The following NUBPL variants were observed in gnomAD, a reference collection of about 807,000 sequenced individuals.
NUBPL encodes iron-sulfur cluster transfer protein NUBPL.
In NUBPL, 31 loss-of-function variants were observed where a neutral mutation model predicts 45.7. The ratio of observed to expected loss-of-function variants is 0.68; its 90% CI spans 0.51 to 0.92. NUBPL has a LOEUF of 0.92. Ranked by LOEUF, NUBPL falls within the 40% of genes least tolerant of loss-of-function variation. The pLI is 0.00. For synonymous variants in NUBPL, 144 were observed against 140.9 expected (o/e 1.02, Z -0.15); for missense variants, 401 against 398.7 (o/e 1.01, Z -0.05).
At chr14:31,715,337 C>G (rs1413364438) in intron 6 of NUBPL, among the ~76,000 whole-genome samples, 1 of 152,104 alleles carries the variant, frequency 6.6e-6, no homozygotes, top group East Asian at 1.9e-4. Context: ...ACTAAATAAG[C>G]TAAGGTCATG....
intron 4 of NUBPL, among the ~76,000 whole-genome samples, chr14:31,672,544 C>T (rs994915991): frequency 4.6e-5 from 7 of 152,058 alleles, no homozygotes; most frequent in Non-Finnish European, 8.8e-5. Context: ...CTCACTGCAA[C>T]GTCTGCCTCC....
Position 31,697,800 on chromosome 14 carries a change from C to G in NUBPL, c.513+24226C>G, listed in dbSNP as rs570254885. ...GTCTTCTGCAGTGATAATTAAGAAG[C>G]CTTAATAAAGGTCACATGAGATGAC... On this transcript the variant is annotated intron_variant, in intron 6 of 10. Transcript: ENST00000281081. Among the ~76,000 whole-genome samples, 6 of 152,196 alleles carry G rather than the reference C, an allele frequency of 3.9e-5. No individual in the cohort carries two copies. In the South Asian group the frequency reaches 1.2e-3, roughly 32 times the overall value.
At chr14:31,812,372 C>G (rs1471293916) in intron 7 of NUBPL, among the ~76,000 whole-genome samples, 1 of 152,194 alleles carries the variant, frequency 6.6e-6, no homozygotes, top group Non-Finnish European at 1.5e-5. Flanking sequence ...CCCAGCCAGG[C>G]TTGCCTCCTT....
At chr14:31,844,562 T>G (rs950124145) in intron 8 of NUBPL, 3 of 152,200 alleles carry the variant, frequency 2.0e-5, no homozygotes, top group African/African-American at 7.2e-5. Flanking sequence ...TGCTATAGAT[T>G]TATGTCTTTT....
chr14:31,576,301 G>A (rs542902671), intron 3 of NUBPL, among the ~76,000 whole-genome samples: 1 of 152,208 alleles, frequency 6.6e-6, no homozygotes, highest in Admixed American at 6.5e-5. Context: ...TTGCTCTGTT[G>A]GCCAGGCTGG....
chr14:31,757,301 G>A (rs1023175142), intron 6 of NUBPL, among the ~76,000 whole-genome samples: 3 of 150,222 alleles, frequency 2.0e-5, no homozygotes, highest in Non-Finnish European at 4.4e-5. Flanking sequence ...TGTACCTCTG[G>A]TAGAATTCGG....
chr14:31,619,059 A>G (rs1260015933), intron 4 of NUBPL, among the ~76,000 whole-genome samples: 2 of 151,876 alleles, frequency 1.3e-5, no homozygotes, highest in African/African-American at 2.4e-5. Flanking sequence ...GTTTCTTTTG[A>G]TCTTTGTTGG....
chr14:31,778,650 C>G (rs747064455), intron 6 of NUBPL, among the ~76,000 whole-genome samples: 2 of 152,200 alleles, frequency 1.3e-5, no homozygotes, highest in Non-Finnish European at 2.9e-5. Context: ...ACTGCCATTG[C>G]TGTGACCTAT....
chr14:31,704,401 C>T (rs188825238), intron 6 of NUBPL, among the ~76,000 whole-genome samples: 17 of 152,182 alleles, frequency 1.1e-4, no homozygotes, highest in Middle Eastern at 3.4e-3. Flanking sequence ...TGGTGGCCCA[C>T]GCCTGTAATC....
intron 6 of NUBPL, among the ~76,000 whole-genome samples, chr14:31,677,565 A>G (rs2036729747): frequency 6.6e-6 from 1 of 152,214 alleles, no homozygotes; most frequent in African/African-American, 2.4e-5. Flanking sequence ...GTGCAGAGGT[A>G]CTGCCTTGAT....
intron 4 of NUBPL, among the ~76,000 whole-genome samples, chr14:31,630,283 A>T (rs2035308448): frequency 6.6e-6 from 1 of 152,180 alleles, no homozygotes; most frequent in South Asian, 2.1e-4. Flanking sequence ...GGGCAAGTTG[A>T]CTTAAACTCT....
At chr14:31,711,685 C>T (rs1237752798) in intron 6 of NUBPL, among the ~76,000 whole-genome samples, 1 of 152,028 alleles carries the variant, frequency 6.6e-6, no homozygotes, top group African/African-American at 2.4e-5. Flanking sequence ...GAGTTTCTTC[C>T]TTCTGGTGGG....
At chr14:31,772,768 A>G (rs1394026747) in intron 6 of NUBPL, among the ~76,000 whole-genome samples, 1 of 152,150 alleles carries the variant, frequency 6.6e-6, no homozygotes, top group African/African-American at 2.4e-5. Context: ...GGGAAAGAAA[A>G]GGAGTAAGTT....
chr14:31,663,065 CT>C (rs1406300509), intron 4 of NUBPL, among the ~76,000 whole-genome samples: 1 of 152,182 alleles, frequency 6.6e-6, no homozygotes, highest in Non-Finnish European at 1.5e-5. Context: ...TGTTCATATC[CT>C]TCACCCACTT....
chr14:31,628,692 C>T (rs959648795), intron 4 of NUBPL, among the ~76,000 whole-genome samples: 2 of 152,042 alleles, frequency 1.3e-5, no homozygotes, highest in South Asian at 4.1e-4. Flanking sequence ...GCCTCTAGTT[C>T]AGCTTGCAAC....
intron 4 of NUBPL, among the ~76,000 whole-genome samples, chr14:31,637,116 C>A (rs1233388928): frequency 6.6e-6 from 1 of 152,108 alleles, no homozygotes; most frequent in Non-Finnish European, 1.5e-5. Flanking sequence ...TTAGTTATTT[C>A]TTGCCTTCTG....
At chr14:31,824,055 C>A (rs948986019) in intron 7 of NUBPL, among the ~76,000 whole-genome samples, 3 of 151,986 alleles carry the variant, frequency 2.0e-5, no homozygotes. Flanking sequence ...TTCCCAGCAA[C>A]GTCTAAGGCA....
chr14:31,622,034 A>T (rs2035077144), intron 4 of NUBPL, among the ~76,000 whole-genome samples: 1 of 152,210 alleles, frequency 6.6e-6, no homozygotes, highest in African/African-American at 2.4e-5. Context: ...AATGAAGTTT[A>T]GGCTGAGGTG....
chr14:31,723,929 CTTTG>C (rs916620538), intron 6 of NUBPL, among the ~76,000 whole-genome samples: 5 of 152,060 alleles, frequency 3.3e-5, no homozygotes, highest in African/African-American at 1.2e-4. Flanking sequence ...TTGGGATGCC[CTTTG>C]TTTCTTTCTC....
Sources: gnomAD v4.1 joint callset for allele counts (sites outside exome capture counted in the v4.1 genomes callset) on GRCh38, gnomAD v4.1.1 for gene constraint, MANE v1.5 for transcripts, NCBI Gene and HGNC (gene_info 2026-07-23, HGNC 2026-07-21) for gene names.